The following GLB1 variants were observed in gnomAD, a reference collection of about 807,000 sequenced individuals.
GLB1 encodes beta-galactosidase.
GLB1 carries 56 observed loss-of-function variants against 74.0 expected under a neutral mutation model. That is an observed-to-expected ratio of 0.76 (90% CI 0.61 to 0.94). The LOEUF (loss-of-function observed/expected upper bound fraction) is 0.94, where lower values mean the gene tolerates loss of function less well. GLB1 is among the 40% of genes least tolerant of loss of function. GLB1 has a pLI of 0.00. For missense variants in GLB1, 787 were observed against 845.5 expected (o/e 0.93, Z 0.86); for synonymous variants, 323 against 323.6 (o/e 1.00, Z 0.02).
chr3:33,046,312 A>C, intron 9 of GLB1, 80 bp from the exon 10 acceptor site: 1 of 1,532,048 alleles, frequency 6.5e-7, no homozygotes, highest in South Asian at 1.1e-5. Flanking sequence ...TGAGCTCAGC[A>C]CTGTAGAGAG....
the GLB1 span, among the ~76,000 whole-genome samples, chr3:32,969,793 A>G: frequency 2.6e-5 from 4 of 152,246 alleles, no homozygotes; most frequent in Non-Finnish European, 5.9e-5. Context: ...TCATTAAGGC[A>G]TCATTTCCAT....
intron 10 of GLB1, among the ~76,000 whole-genome samples, chr3:33,031,044 G>T (rs942053555): frequency 3.3e-5 from 5 of 152,144 alleles, no homozygotes; most frequent in Non-Finnish European, 7.3e-5. Flanking sequence ...GCCATGCCTT[G>T]AAGATTCATA....
intron 15 of GLB1, among the ~76,000 whole-genome samples, chr3:32,999,692 T>G (rs969159353): frequency 6.6e-6 from 1 of 152,168 alleles, no homozygotes; most frequent in Admixed American, 6.6e-5. Flanking sequence ...CTGGGGAGGT[T>G]ATCGTGCAGT....
Position 33,097,115 on chromosome 3 carries a change from C to T in GLB1, c.-30G>A, listed in dbSNP as rs1352339428. ...ACCAGCCTCCCGGCTCTGCAGTCGG[C>T]GCCCAGGCCGGCCGCTTCGCGTCAC... On this transcript the variant is annotated 5_prime_UTR_variant, in exon 1 of 16. Transcript: ENST00000307363. 2.5e-6 allele frequency: 4 copies of T among 1,609,392 alleles called. No homozygotes were observed. The highest frequency in any genetic ancestry group is 3.4e-6 in the Non-Finnish European group (4 of 1,177,748).
chr3:33,091,719 G>C, intron 1 of GLB1: 4 of 985,400 alleles, frequency 4.1e-6, no homozygotes, highest in Non-Finnish European at 4.8e-6. Context: ...TGCCCTATGA[G>C]TGAGCAGCAG....
the GLB1 span, among the ~76,000 whole-genome samples, chr3:32,978,668 G>A: frequency 6.6e-6 from 1 of 152,186 alleles, no homozygotes; most frequent in Non-Finnish European, 1.5e-5. Flanking sequence ...ATCTGAGATG[G>A]TGGTGAGAGG....
chr3:33,014,261 G>C lies in GLB1; in HGVS notation c.1529C>G (p.Thr510Arg), dbSNP rs1803198. Residue 510 changes from threonine (T) to arginine (R), a missense_variant, in exon 15 of 16, where the codon ACG (threonine) becomes AGG (arginine). Physicochemically the swap from Thr to Arg is moderately conservative, Grantham distance 71. Coordinates refer to ENST00000307363, the MANE Select transcript of GLB1 (RefSeq NM_000404.4). The part of the protein sequence containing the change: ...TLSSNILTDW[T>R]IFPLDTEDAV... ...ATCCTCAGTGTCCAGTGGAAAGATCGTCCAGTCCGTGAGGATATTGGAACT... is the reference window on the plus strand; with the variant it reads ...ATCCTCAGTGTCCAGTGGAAAGATCCTCCAGTCCGTGAGGATATTGGAACT... 4.3e-6 allele frequency: 7 copies of C among 1,614,006 alleles called. No homozygotes were observed. Among genetic ancestry groups the C allele is most frequent in the Non-Finnish European group, 5.9e-6 (7 of 1,180,014 alleles).
chr3:32,981,090 C>CAAA, the GLB1 span, among the ~76,000 whole-genome samples: 308 of 46,310 alleles, frequency 6.7e-3, 11 homozygotes, highest in Non-Finnish European at 9.3e-3. Flanking sequence ...GACTCCGTCT[C>CAAA]AAAAAAAAAA....
At chr3:33,040,800 T>C (rs557427538) in intron 10 of GLB1, among the ~76,000 whole-genome samples, 3 of 152,312 alleles carry the variant, frequency 2.0e-5, no homozygotes, top group South Asian at 2.1e-4. Context: ...GTATCTCTAG[T>C]ATGTTTAAAG....
chr3:32,997,180 T>A lies in GLB1; in HGVS notation c.1899A>T (p.Leu633=). ...GCCTGTCCACGAACGTCACAGCACA[T>A]AGTTCTGGATCATCACTGCTGCAGG... ...WAPCSSDDPE[L]CAVTFVDRPV... Residue 633 remains leucine (L), a synonymous_variant, in exon 16 of 16, where the codon CTA becomes CTT. Coordinates refer to ENST00000307363, the MANE Select transcript of GLB1 (RefSeq NM_000404.4). The A allele has an allele frequency of 6.2e-7, 1 of 1,614,122 alleles. No homozygotes were observed.
intron 6 of GLB1, among the ~76,000 whole-genome samples, chr3:33,054,036 AAAT>A (rs1410918923): frequency 1.3e-5 from 2 of 151,704 alleles, no homozygotes; most frequent in African/African-American, 4.8e-5. Flanking sequence ...TTATTAAAAA[AAAT>A]AATAATAATA....
intron 13 of GLB1, 62 bp from the exon 14 acceptor site, chr3:33,016,902 A>T: frequency 1.3e-6 from 2 of 1,599,704 alleles, no homozygotes; most frequent in Non-Finnish European, 1.7e-6. Flanking sequence ...AAGGAGAGGC[A>T]GCATGCTCAG....
the GLB1 span, among the ~76,000 whole-genome samples, chr3:32,968,540 G>A: frequency 6.6e-6 from 1 of 152,202 alleles, no homozygotes; most frequent in African/African-American, 2.4e-5. Flanking sequence ...AAAGCAGGCT[G>A]TTTGTGCACT....
chr3:33,005,522 A>G (rs1332129475), intron 15 of GLB1, among the ~76,000 whole-genome samples: 4 of 152,140 alleles, frequency 2.6e-5, no homozygotes, highest in Non-Finnish European at 2.9e-5. Flanking sequence ...ACTAACACTG[A>G]TAAGGTTTTA....
At chr3:33,022,401 G>A (rs1435373517) in intron 11 of GLB1, among the ~76,000 whole-genome samples, 1 of 151,868 alleles carries the variant, frequency 6.6e-6, no homozygotes, top group Admixed American at 6.6e-5. Flanking sequence ...CGTTTTACAT[G>A]CACTAGCTCA....
In GLB1 at chr3:33,065,570, A is replaced by G; in HGVS notation, c.458-13T>C. 1 of 1,561,790 alleles carries G rather than the reference A, an allele frequency of 6.4e-7. No individual in the cohort carries two copies. The highest frequency in any genetic ancestry group is 1.2e-5 in the South Asian group (1 of 85,150). ...GCTGCCAGGTAATCTGGAAAACAAG[A>G]AAAGTTTAACACAAGCTTGTCCAAC... On this transcript the variant is annotated splice_polypyrimidine_tract_variant and intron_variant, in intron 4 of 15. Coordinates refer to ENST00000307363, the MANE Select transcript of GLB1 (RefSeq NM_000404.4).
At chr3:33,081,910 T>G (rs1350574706) in intron 1 of GLB1, among the ~76,000 whole-genome samples, 1 of 152,200 alleles carries the variant, frequency 6.6e-6, no homozygotes, top group Admixed American at 6.5e-5. Context: ...CATGGAAAAT[T>G]GAGATTCCTT....
Position 33,065,535 on chromosome 3 carries a change from C to G in GLB1, c.480G>C (p.Lys160Asn), listed in dbSNP as rs1181688612. The change falls in exon 5 of 16, where the codon AAG becomes AAC. Residue 160 changes from lysine to asparagine, a missense_variant. Physicochemically the swap from Lys to Asn is moderately conservative, Grantham distance 94. Transcript: ENST00000307363. ...SDPDYLAAVD[K>N]WLGVLLPKMK... The stretch of plus-strand genomic sequence containing the variant: ...TCTTGGGCAGAAGGACTCCCAACCA[C>G]TTGTCCACAGCTGCCAGGTAATCTG... 1 of 1,581,544 alleles carries G rather than the reference C, an allele frequency of 6.3e-7. No individual in the cohort carries two copies. Among genetic ancestry groups the G allele is most frequent in the East Asian group, 2.3e-5 (1 of 44,198 alleles).
rs1575453996 is a variant in GLB1 at position 33,053,667 on chromosome 3, C to A, written c.734-118G>T. 2.9e-6 allele frequency: 4 copies of A among 1,359,404 alleles called. No homozygotes were observed. In the East Asian group the frequency reaches 9.8e-5, roughly 33 times the overall value. 84.2% of individuals were successfully genotyped at this position (1,359,404 alleles called of 1,614,324 possible). ...CTGCTACGGTCAGAATGTTAGTATC[C>A]CCCCAAAATTCTCATGTTGGAACTT... On this transcript the variant is annotated intron_variant, in intron 6 of 15. Transcript: ENST00000307363.
Sources: allele counts gnomAD v4.1 joint callset (sites outside exome capture counted in the v4.1 genomes callset), GRCh38; gene constraint gnomAD v4.1.1; transcripts MANE v1.5; gene names NCBI Gene and HGNC (gene_info 2026-07-23, HGNC 2026-07-21).